Variants in GALNT7 observed in about 807,000 individuals in gnomAD.
The protein encoded by GALNT7 is polypeptide N-acetylgalactosaminyltransferase 7.
A neutral mutation model predicts 82.1 loss-of-function variants in GALNT7; 60 were observed. That is an observed-to-expected ratio of 0.73 (90% confidence interval 0.59 to 0.91). The LOEUF is 0.91. GALNT7 is among the 40% of genes least tolerant of loss of function. The probability of loss-of-function intolerance (pLI) is 0.00; values close to 1 mark genes in which losing one functional copy is unlikely to be tolerated. For synonymous variants in GALNT7, 243 were observed against 275.1 expected (o/e 0.88, Z 1.15); for missense variants, 660 against 804.2 (o/e 0.82, Z 2.17).
chr4:173,246,013 A>C (rs568593692), intron 1 of GALNT7, among the ~76,000 whole-genome samples: 1 of 152,312 alleles, frequency 6.6e-6, no homozygotes, highest in Non-Finnish European at 1.5e-5. Context: ...CATTTATACA[A>C]TCAGGCTGTG....
chr4:173,215,344 C>A (rs1344653104), intron 1 of GALNT7, among the ~76,000 whole-genome samples: 1 of 151,862 alleles, frequency 6.6e-6, no homozygotes, highest in East Asian at 1.9e-4. Context: ...GATTCTCCTG[C>A]CTCTACCTTC....
chr4:173,289,266 T>C (rs1315206140), intron 2 of GALNT7, among the ~76,000 whole-genome samples: 1 of 152,198 alleles, frequency 6.6e-6, no homozygotes, highest in Non-Finnish European at 1.5e-5. Context: ...TGATGATCCC[T>C]TCTTCCTGCA....
intron 1 of GALNT7, among the ~76,000 whole-genome samples, chr4:173,190,119 T>A (rs956674614): frequency 1.3e-5 from 2 of 151,820 alleles, no homozygotes; most frequent in Admixed American, 6.6e-5. Flanking sequence ...TCCTGGAGAG[T>A]TGCTTTAGAC....
At chr4:173,189,227 T>C (rs1318964470) in intron 1 of GALNT7, among the ~76,000 whole-genome samples, 4 of 152,242 alleles carry the variant, frequency 2.6e-5, no homozygotes, top group Non-Finnish European at 4.4e-5. Flanking sequence ...AAAATTCTAC[T>C]GATAGTTAAA....
At chr4:173,289,308 A>G (rs893941160) in intron 2 of GALNT7, among the ~76,000 whole-genome samples, 1 of 152,184 alleles carries the variant, frequency 6.6e-6, no homozygotes, top group African/African-American at 2.4e-5. Flanking sequence ...CCAATGCACC[A>G]TAATGTAGCA....
intron 1 of GALNT7, among the ~76,000 whole-genome samples, chr4:173,213,435 T>C (rs1016755519): frequency 2.6e-5 from 4 of 152,002 alleles, no homozygotes; most frequent in African/African-American, 9.7e-5. Context: ...GTCTGGAAGC[T>C]GGCAAGAAAA....
intron 2 of GALNT7, among the ~76,000 whole-genome samples, chr4:173,254,527 A>T (rs961244509): frequency 2.6e-5 from 4 of 152,192 alleles, no homozygotes; most frequent in Non-Finnish European, 5.9e-5. Flanking sequence ...TAGAGCTAAA[A>T]CCTTAAACTA....
chr4:173,168,853 G>T lies in GALNT7; in HGVS notation c.18G>T (p.Gly6=), dbSNP rs3733477. Residue 6 remains glycine (G), a synonymous_variant, in exon 1 of 12, where the codon GGG becomes GGT. Coordinates refer to ENST00000265000, the MANE Select transcript of GALNT7 (RefSeq NM_017423.3). MRLKI[G]FILRSLLVVG... ...GGAGGAAGATGAGGCTGAAGATTGG[G>T]TTCATCTTACGCAGTTTGCTGGTGG... is the stretch of plus-strand genomic sequence containing the variant. 6.2e-7 allele frequency: 1 copy of T among 1,612,208 alleles called. No homozygotes were observed. The highest frequency in any genetic ancestry group is 8.5e-7 in the Non-Finnish European group (1 of 1,179,224).
chr4:173,299,643 T>A (rs1736844601), intron 6 of GALNT7, among the ~76,000 whole-genome samples: 1 of 152,120 alleles, frequency 6.6e-6, no homozygotes, highest in Admixed American at 6.5e-5. Context: ...GGTCAGGAGT[T>A]CGAGATCAAC....
intron 1 of GALNT7, among the ~76,000 whole-genome samples, chr4:173,195,624 A>G (rs1254156505): frequency 2.0e-5 from 3 of 152,202 alleles, no homozygotes; most frequent in Admixed American, 6.5e-5. Context: ...TAATCTCTCA[A>G]AGTAGGAGCA....
intron 1 of GALNT7, among the ~76,000 whole-genome samples, chr4:173,245,666 T>G (rs1018552964): frequency 1.3e-5 from 2 of 152,202 alleles, no homozygotes; most frequent in Non-Finnish European, 2.9e-5. Flanking sequence ...ATGATATCTC[T>G]ATATTAATTT....
intron 2 of GALNT7, among the ~76,000 whole-genome samples, chr4:173,259,528 G>T (rs1213218737): frequency 6.6e-6 from 1 of 151,958 alleles, no homozygotes; most frequent in East Asian, 1.9e-4. Flanking sequence ...GCCACTGAGG[G>T]CGTTTCAGAA....
Position 173,259,428 on chromosome 4 carries a change from CT to C in GALNT7, c.587+11001del, listed in dbSNP as rs528037298. ...TCTTTCTCTCTTCTCCCTCCTCCCG[CT>C]TTTTTTTTTTTTAATAACAAATACC... On this transcript the variant is annotated intron_variant, in intron 2 of 11. Transcript: ENST00000265000. Among the ~76,000 whole-genome samples, 625 of 141,552 alleles carry C rather than the reference CT, an allele frequency of 4.4e-3. 5 individuals carry two copies. Among genetic ancestry groups the C allele is most frequent in the Middle Eastern group, 0.015 (4 of 274 alleles). 92.9% of individuals were successfully genotyped at this position (141,552 alleles called of 152,430 possible).
chr4:173,235,808 C>A (rs780391288), intron 1 of GALNT7, among the ~76,000 whole-genome samples: 4 of 152,166 alleles, frequency 2.6e-5, no homozygotes, highest in Admixed American at 2.6e-4. Flanking sequence ...TCTGCCTTGG[C>A]CTCCCAAAGT....
At chr4:173,233,745 C>T (rs1184344033) in intron 1 of GALNT7, among the ~76,000 whole-genome samples, 1 of 152,170 alleles carries the variant, frequency 6.6e-6, no homozygotes, top group African/African-American at 2.4e-5. Context: ...TTCTCAAGAA[C>T]TTTGTGCACT....
intron 1 of GALNT7, among the ~76,000 whole-genome samples, chr4:173,182,434 T>A (rs924832326): frequency 6.6e-6 from 1 of 152,200 alleles, no homozygotes; most frequent in Non-Finnish European, 1.5e-5. Flanking sequence ...TTTTTCTCCC[T>A]TGGAACAGTG....
At chr4:173,184,200 G>T (rs1445319661) in intron 1 of GALNT7, among the ~76,000 whole-genome samples, 2 of 152,072 alleles carry the variant, frequency 1.3e-5, no homozygotes, top group African/African-American at 2.4e-5. Context: ...ACGGGGTGGC[G>T]GCCGGGCAGA....
At position 173,321,836 on chromosome 4, in the gene GALNT7, C is replaced by G. The variant is rs73872559; in HGVS notation, c.*119C>G. The G allele has an allele frequency of 9.3e-6, 6 of 642,112 alleles. No homozygotes were observed. The highest frequency in any genetic ancestry group is 9.2e-5 in the African/African-American group (5 of 54,484). 39.8% of individuals were successfully genotyped at this position (642,112 alleles called of 1,614,324 possible). A position where few individuals can be genotyped will look rare whatever the true frequency, so the allele number is the denominator to read the frequency against. ...CTCTGTATAGCTCCAAACCTGGAAC[C>G]TCCTGATCAGTTTGAAGGACATTGA... On this transcript the variant is annotated 3_prime_UTR_variant, in exon 12 of 12. Transcript: ENST00000265000.
intron 2 of GALNT7, among the ~76,000 whole-genome samples, chr4:173,255,746 C>T (rs898933533): frequency 2.0e-5 from 3 of 152,148 alleles, no homozygotes; most frequent in Admixed American, 2.0e-4. Context: ...AGTCATTGTT[C>T]TCTGCCAAAA....
Sources: gnomAD v4.1 joint callset for allele counts (sites outside exome capture counted in the v4.1 genomes callset) on GRCh38, gnomAD v4.1.1 for gene constraint, MANE v1.5 for transcripts, NCBI Gene and HGNC (gene_info 2026-07-23, HGNC 2026-07-21) for gene names.